Variants in QDPR observed in about 807,000 individuals in gnomAD.
The protein encoded by QDPR is quinoid dihydropteridine reductase.
In QDPR, 23 loss-of-function variants were observed where a neutral mutation model predicts 31.7. The observed-to-expected ratio is 0.73, with a 90% confidence interval of 0.52 to 1.03. QDPR has a LOEUF of 1.03. Ranked by LOEUF, QDPR falls within the 50% of genes least tolerant of loss-of-function variation. The pLI is 0.00. For synonymous variants in QDPR, 124 were observed against 124.7 expected (o/e 0.99, Z 0.03); for missense variants, 324 against 323.8 (o/e 1.00, Z 0.00).
In QDPR at chr4:17,502,327, T is replaced by C. The variant is rs561758925; in HGVS notation, c.296-468A>G. Among the ~76,000 whole-genome samples the C allele has an allele frequency of 4.6e-5, 7 of 152,240 alleles. No individual in the cohort carries two copies. In the East Asian group the frequency reaches 9.7e-4, roughly 21 times the overall value. ...GTTTAATGTTAGCTTTAAAGACTCT[T>C]CAAAAGAAAGCTAAAATAACAACCA... On this transcript the variant is annotated intron_variant, in intron 3 of 6. Transcript: ENST00000281243.
At position 17,511,972 on chromosome 4, in the gene QDPR, T is replaced by C. The variant is rs1324843248; in HGVS notation, c.83A>G (p.Gln28Arg). Residue 28 changes from glutamine to arginine, a missense_variant, in exon 1 of 7, where the codon CAG becomes CGG. By Grantham distance (43) the Gln-to-Arg change is conservative (BLOSUM62 1). Transcript: ENST00000281243. Reference protein sequence around the residue: ...GRGALGSRCVQAFRARNWWVA... With the variant: ...GRGALGSRCVRAFRARNWWVA... Reference sequence around the variant, plus strand: ...TACCCAGTTGCGGGCCCGAAAAGCCTGCACGCATCGAGAACCCAGAGCGCC... The same window carrying C: ...TACCCAGTTGCGGGCCCGAAAAGCCCGCACGCATCGAGAACCCAGAGCGCC... 2 of 1,610,284 alleles carry C rather than the reference T, an allele frequency of 1.2e-6. No individual in the cohort carries two copies. Among genetic ancestry groups the C allele is most frequent in the Middle Eastern group, 1.7e-4 (1 of 6,048 alleles).
chr4:17,509,154 T>C (rs1198945030), intron 2 of QDPR, 117 bp downstream of exon 2: 5 of 848,242 alleles, frequency 5.9e-6, no homozygotes, highest in African/African-American at 3.4e-5. Flanking sequence ...CAAGACTCCG[T>C]CTCGGGGAAA....
At chr4:17,498,573 C>T (rs1392841911) in intron 4 of QDPR, among the ~76,000 whole-genome samples, 2 of 151,964 alleles carry the variant, frequency 1.3e-5, no homozygotes, top group African/African-American at 4.8e-5. Flanking sequence ...CTTGGGGACA[C>T]AAAAGGGGTT....
chr4:17,504,168 A>C (rs1190352413), intron 3 of QDPR, among the ~76,000 whole-genome samples: 1 of 151,978 alleles, frequency 6.6e-6, no homozygotes, highest in Admixed American at 6.6e-5. Context: ...CTCAAACTCA[A>C]TGCCCCCCGT....
At position 17,512,079 on chromosome 4, in the gene QDPR, G is replaced by A. The variant is rs748529617; in HGVS notation, c.-25C>T. 3.2e-6 allele frequency: 5 copies of A among 1,550,876 alleles called. No individual in the cohort carries two copies. The highest frequency in any genetic ancestry group is 2.3e-5 in the South Asian group (2 of 85,636). ...TCCTGCTCCTGCCAGCCCGGCTCCCGCAGCTCCGAATGCCTCGAGCCGGAG... is the reference window on the plus strand; with the variant it reads ...TCCTGCTCCTGCCAGCCCGGCTCCCACAGCTCCGAATGCCTCGAGCCGGAG... On this transcript the variant is annotated 5_prime_UTR_variant, in exon 1 of 7. Transcript: ENST00000281243.
intron 1 of QDPR, among the ~76,000 whole-genome samples, chr4:17,510,969 A>G (rs1347102911): frequency 1.3e-5 from 2 of 152,218 alleles, no homozygotes; most frequent in Non-Finnish European, 2.9e-5. Context: ...TGGTAAATGT[A>G]CACTATTTGG....
intron 4 of QDPR, among the ~76,000 whole-genome samples, chr4:17,495,093 A>G (rs28621908): frequency 0.11 from 16,374 of 152,114 alleles, 1,787 homozygotes; most frequent in East Asian, 0.44. Flanking sequence ...GCTCATCATT[A>G]TTCATATTAT....
intron 4 of QDPR, among the ~76,000 whole-genome samples, chr4:17,496,592 G>A (rs887020263): frequency 2.0e-5 from 3 of 150,730 alleles, no homozygotes; most frequent in Non-Finnish European, 4.4e-5. Flanking sequence ...GAAGTGAAAA[G>A]AATAAGGCAT....
chr4:17,507,817 T>C (rs1718843310), intron 2 of QDPR, among the ~76,000 whole-genome samples: 1 of 152,142 alleles, frequency 6.6e-6, no homozygotes. Context: ...TTGGCCAGGA[T>C]GGTCTTGATC....
At chr4:17,508,982 C>T (rs2108997031) in intron 2 of QDPR, among the ~76,000 whole-genome samples, 1 of 152,210 alleles carries the variant, frequency 6.6e-6, no homozygotes, top group South Asian at 2.1e-4. Flanking sequence ...CATGGTGAAA[C>T]CCCGTCTCTA....
At chr4:17,510,188 T>C (rs1718955314) in intron 1 of QDPR, among the ~76,000 whole-genome samples, 1 of 152,206 alleles carries the variant, frequency 6.6e-6, no homozygotes, top group South Asian at 2.1e-4. Flanking sequence ...CAGATTCAGC[T>C]CACAAAGGAT....
At chr4:17,508,399 A>G (rs751098222) in intron 2 of QDPR, among the ~76,000 whole-genome samples, 4 of 152,244 alleles carry the variant, frequency 2.6e-5, no homozygotes. Context: ...AGATTGTGCC[A>G]CTGCACTCCA....
At chr4:17,501,617 G>C (rs767520008) in intron 4 of QDPR, 102 bp downstream of exon 4, 1 of 1,359,670 alleles carries the variant, frequency 7.4e-7, no homozygotes. Context: ...AAGCAGCTTA[G>C]AGGGTAAAGG....
intron 4 of QDPR, among the ~76,000 whole-genome samples, chr4:17,501,355 T>C (rs1424531693): frequency 6.6e-6 from 1 of 152,182 alleles, no homozygotes; most frequent in Non-Finnish European, 1.5e-5. Flanking sequence ...TTATGCTATT[T>C]CCAGCTGCTA....
chr4:17,501,801 G>A lies in QDPR; in HGVS notation c.354C>T (p.Ser118=). The change falls in exon 4 of 7, where the codon TCC becomes TCT. Residue 118 remains serine (S), a synonymous_variant. Transcript: ENST00000281243. The part of the protein sequence containing the change: ...WKQSIWTSTI[S]SHLATKHLKE... ...TGAGATGCTTGGTAGCCAGATGGCT[G>A]GAGATGGTCGATGTCCATATGCTCT... is the stretch of plus-strand genomic sequence containing the variant. The A allele has an allele frequency of 1.2e-6, 2 of 1,614,190 alleles. No homozygotes were observed. The highest frequency in any genetic ancestry group is 1.7e-6 in the Non-Finnish European group (2 of 1,180,036).
intron 2 of QDPR, among the ~76,000 whole-genome samples, chr4:17,507,043 T>C (rs1180424690): frequency 6.6e-6 from 1 of 152,220 alleles, no homozygotes. Flanking sequence ...ATTTGTATTT[T>C]CTATATCATA....
At chr4:17,495,137 C>G (rs1169422728) in intron 4 of QDPR, among the ~76,000 whole-genome samples, 3 of 152,180 alleles carry the variant, frequency 2.0e-5, no homozygotes, top group Admixed American at 6.5e-5. Context: ...AAGCAGTCAT[C>G]TGCGGCCCAT....
chr4:17,499,190 G>A (rs1025682261), intron 4 of QDPR, among the ~76,000 whole-genome samples: 3 of 151,994 alleles, frequency 2.0e-5, no homozygotes, highest in African/African-American at 7.3e-5. Context: ...ATGACAAAAC[G>A]CAGACTCAGA....
At chr4:17,510,605 C>A (rs929363383) in intron 1 of QDPR, among the ~76,000 whole-genome samples, 3 of 152,144 alleles carry the variant, frequency 2.0e-5, no homozygotes, top group Admixed American at 2.0e-4. Context: ...GGGGAAAGAC[C>A]AAGAGCCAGA....
Sources: allele counts gnomAD v4.1 joint callset (sites outside exome capture counted in the v4.1 genomes callset), GRCh38; gene constraint gnomAD v4.1.1; transcripts MANE v1.5; gene names NCBI Gene and HGNC (gene_info 2026-07-23, HGNC 2026-07-21).